Variants in WDR86 observed in about 807,000 individuals in gnomAD.
The protein encoded by WDR86 is WD repeat domain 86.
WDR86 carries 30 observed loss-of-function variants against 36.5 expected under a neutral mutation model. That is an observed-to-expected ratio of 0.82 (90% CI 0.61 to 1.11). The LOEUF is 1.11. Ranked by LOEUF, WDR86 falls within the 50% of genes most tolerant of loss-of-function variation. The pLI, the probability that WDR86 is intolerant of heterozygous loss-of-function variation, is 0.00. For missense variants in WDR86, 545 were observed against 561.2 expected (o/e 0.97, Z 0.29); for synonymous variants, 255 against 252.9 (o/e 1.01, Z -0.08).
downstream of WDR86, chr7:151,376,552 T>G: frequency 7.6e-7 from 1 of 1,319,116 alleles, no homozygotes; most frequent in Non-Finnish European, 1.0e-6. Flanking sequence ...AACATGAGAG[T>G]CGGCTGTCCA....
At chr7:151,408,199 C>T (rs13234171) in intron 1 of WDR86, among the ~76,000 whole-genome samples, 75,603 of 115,422 alleles carry the variant, frequency 0.66, 23,968 homozygotes, top group South Asian at 0.74. Context: ...CTTTTCTTTT[C>T]TTTTTTTTTT....
At position 151,390,415 on chromosome 7, in the gene WDR86, G is replaced by C. The variant is rs960196068; in HGVS notation, c.727-5192C>G. ...AGGAAGCCTCCGGAAGTTGCACAGCGTCCTGACGCTGTGGGCAGAGGGGAT... is the reference window on the plus strand; with the variant it reads ...AGGAAGCCTCCGGAAGTTGCACAGCCTCCTGACGCTGTGGGCAGAGGGGAT... On this transcript the variant is annotated intron_variant, in intron 3 of 5. Coordinates refer to ENST00000334493, the MANE Select transcript of WDR86 (RefSeq NM_198285.3). The surrounding 1 kb of genome is among the most constrained non-coding windows in gnomAD (Gnocchi z 4.5). 6.6e-6 allele frequency among the ~76,000 whole-genome samples: 1 copy of C among 152,198 alleles called. No individual in the cohort carries two copies. The highest frequency in any genetic ancestry group is 2.4e-5 in the African/African-American group (1 of 41,450).
At chr7:151,378,128 G>A (rs986092943), downstream of WDR86, 104 of 152,040 alleles carry the variant, frequency 6.8e-4, no homozygotes, top group African/African-American at 2.2e-3. Context: ...TATGTAGTTC[G>A]CTGTGTGTCG....
intron 3 of WDR86, among the ~76,000 whole-genome samples, chr7:151,392,612 G>A (rs1474237236): frequency 6.6e-6 from 1 of 152,122 alleles, no homozygotes; most frequent in East Asian, 1.9e-4. Flanking sequence ...TCGGGAGGCC[G>A]AGTCTAATAG....
At chr7:151,371,745 C>A (rs967528960), downstream of WDR86, among the ~76,000 whole-genome samples, 7 of 152,180 alleles carry the variant, frequency 4.6e-5, no homozygotes, top group African/African-American at 1.7e-4. Flanking sequence ...TAAAACAATT[C>A]GTTCATGTTT....
At chr7:151,378,993 G>T (rs558900008), downstream of WDR86, among the ~76,000 whole-genome samples, 2 of 152,184 alleles carry the variant, frequency 1.3e-5, no homozygotes, top group Non-Finnish European at 2.9e-5. Flanking sequence ...GACTTGGGCC[G>T]GGCCTGCTCC....
intron 3 of WDR86, 32 bp from the exon 4 acceptor site, chr7:151,385,255 G>T (rs762442309): frequency 3.0e-5 from 48 of 1,606,710 alleles, no homozygotes; most frequent in Non-Finnish European, 4.0e-5. Flanking sequence ...GTCGGCAGCT[G>T]GGGCAGCTCT....
intron 1 of WDR86, among the ~76,000 whole-genome samples, chr7:151,408,001 A>G (rs1417142661): frequency 1.3e-5 from 2 of 151,840 alleles, no homozygotes; most frequent in Non-Finnish European, 2.9e-5. Flanking sequence ...TGGACTTAAC[A>G]TTTCTAAAAG....
intron 4 of WDR86, among the ~76,000 whole-genome samples, chr7:151,384,360 T>C (rs1798820118): frequency 6.6e-6 from 1 of 152,236 alleles, no homozygotes. Flanking sequence ...GCAGACAGAA[T>C]GGTCACAGAG....
At chr7:151,373,268 T>C (rs767962500), downstream of WDR86, among the ~76,000 whole-genome samples, 10 of 152,184 alleles carry the variant, frequency 6.6e-5, no homozygotes, top group Non-Finnish European at 1.2e-4. Flanking sequence ...GTTGGGAAAA[T>C]AATGAGGTTG....
rs1259357112 is a variant in WDR86 at position 151,381,438 on chromosome 7, G to A, written c.*144C>T. On this transcript the variant is annotated 3_prime_UTR_variant, in exon 6 of 6. Transcript: ENST00000334493. This position sits in a 1 kb window ranked among gnomAD's most constrained non-coding sequence, Gnocchi z 4.8. ...CCTGGCCACCAAAGAAAAACCAGAC[G>A]CCTGCGACGGGCTCTCCTCCCGCCC... 13 of 1,491,662 alleles carry A rather than the reference G, an allele frequency of 8.7e-6. No homozygotes were observed. The East Asian group carries it at 3.8e-4, about 43-fold the overall frequency. The allele number at this position is 1,491,662 out of a possible 1,614,324, so 92.4% of individuals were successfully genotyped here. A position where few individuals can be genotyped will look rare whatever the true frequency, so the allele number is the denominator to read the frequency against.
chr7:151,397,548 C>A (rs62490297), intron 2 of WDR86, among the ~76,000 whole-genome samples: 2 of 151,828 alleles, frequency 1.3e-5, no homozygotes, highest in African/African-American at 4.8e-5. Flanking sequence ...CTCAGCCTCC[C>A]GAGTAGCTGG....
rs1241505549 is a variant in WDR86, at chr7:151,409,583, C to T, written c.7G>A (p.Gly3Ser). The T allele has an allele frequency of 2.2e-6, 3 of 1,387,640 alleles. No homozygotes were observed. The highest frequency in any genetic ancestry group is 1.6e-5 in the South Asian group (1 of 61,358). 86.0% of individuals were successfully genotyped at this position (1,387,640 alleles called of 1,614,324 possible). A position where few individuals can be genotyped will look rare whatever the true frequency, so the allele number is the denominator to read the frequency against. ...CAGACCCTCAGGGCCGACCCGCCGCCCCCCATCCCGCTGGCAGGGCGGGGA... is the reference window on the plus strand; with the variant it reads ...CAGACCCTCAGGGCCGACCCGCCGCTCCCCATCCCGCTGGCAGGGCGGGGA... Reference protein sequence around the residue: MGGGGSALRVCAD... With the variant: MGSGGSALRVCAD... Residue 3 changes from glycine to serine, a missense_variant, in exon 1 of 6, where the codon GGC becomes AGC. Coordinates refer to ENST00000334493, the MANE Select transcript of WDR86 (RefSeq NM_198285.3). This position sits in a 1 kb window ranked among gnomAD's most constrained non-coding sequence, Gnocchi z 5.2.
Position 151,392,807 on chromosome 7 carries a change from G to A in WDR86, c.726+2969C>T, listed in dbSNP as rs1475101840. Among the ~76,000 whole-genome samples the A allele has an allele frequency of 2.0e-5, 3 of 152,164 alleles. No homozygotes were observed. The East Asian group carries it at 5.8e-4, about 29-fold the overall frequency. ...CCTTCTGTCTTTACGAGACCTAGTG[G>A]TCCTGAGAGGCTCACCTCCACCTCC... On this transcript the variant is annotated intron_variant, in intron 3 of 5. Coordinates refer to ENST00000334493, the MANE Select transcript of WDR86 (RefSeq NM_198285.3).
intron 3 of WDR86, among the ~76,000 whole-genome samples, chr7:151,392,728 C>T (rs143784235): frequency 2.6e-4 from 39 of 152,334 alleles, no homozygotes; most frequent in African/African-American, 6.5e-4. Context: ...CTGCACACTG[C>T]GGGGCCACTA....
downstream of WDR86, among the ~76,000 whole-genome samples, chr7:151,372,103 C>T (rs931616056): frequency 6.6e-6 from 1 of 152,208 alleles, no homozygotes; most frequent in Non-Finnish European, 1.5e-5. Flanking sequence ...GCTGTAGAAA[C>T]GGAGCTCACA....
chr7:151,402,702 A>C (rs1011127033), intron 1 of WDR86, among the ~76,000 whole-genome samples: 6 of 146,456 alleles, frequency 4.1e-5, no homozygotes, highest in Non-Finnish European at 7.7e-5. Context: ...ATGGAGGGCC[A>C]AGAGTGGAGG....
intron 3 of WDR86, 132 bp from the exon 4 acceptor site, chr7:151,385,355 G>A (rs1384400406): frequency 2.9e-5 from 42 of 1,448,114 alleles, no homozygotes; most frequent in East Asian, 7.4e-5. Flanking sequence ...GAATGGCCCC[G>A]CCACCGGCCC....
intron 2 of WDR86, among the ~76,000 whole-genome samples, chr7:151,398,486 G>T (rs915617328): frequency 1.3e-5 from 1 of 76,436 alleles, no homozygotes; most frequent in Non-Finnish European, 3.0e-5. Flanking sequence ...AGGTGTGTAT[G>T]TGTATATGTG....
Sources: gnomAD v4.1 joint callset for allele counts (sites outside exome capture counted in the v4.1 genomes callset) on GRCh38, gnomAD v4.1.1 for gene constraint, Gnocchi (gnomAD v3.1) non-coding constraint, MANE v1.5 for transcripts, NCBI Gene and HGNC (gene_info 2026-07-23, HGNC 2026-07-21) for gene names.